The following KIRREL3 variants were observed in gnomAD, a reference collection of about 807,000 sequenced individuals.
KIRREL3 encodes kin of IRRE-like protein 3.
In KIRREL3, 36 loss-of-function variants were observed where a neutral mutation model predicts 89.7. The ratio of observed to expected loss-of-function variants is 0.40; its 90% confidence interval spans 0.31 to 0.53. KIRREL3 has a LOEUF of 0.53. Ranked by LOEUF, KIRREL3 falls within the 20% of genes least tolerant of loss-of-function variation. KIRREL3 has a pLI of 0.49. For synonymous variants in KIRREL3, 445 were observed against 441.4 expected, an observed-to-expected ratio of 1.01 and a Z score of -0.10; for missense variants, 864 against 1,056.6, an observed-to-expected ratio of 0.82 and a Z score of 2.53.
In KIRREL3 at chr11:126,870,070, C is replaced by A. The variant is rs1945057434; in HGVS notation, c.55+130385G>T. Among the ~76,000 whole-genome samples, 1 of 152,172 alleles carries A rather than the reference C, an allele frequency of 6.6e-6. No homozygotes were observed. On this transcript the variant is annotated intron_variant, in intron 1 of 16. Coordinates refer to ENST00000525144, the MANE Select transcript of KIRREL3 (RefSeq NM_032531.4). This position sits in a 1 kb window ranked among gnomAD's most constrained non-coding sequence, Gnocchi z 4.4. Reference sequence around the variant, plus strand: ...CTAATCTTGAGTAAAGTTCATTGGGCCCATGTACAGCTGGCACTTCCTTTG... The same window carrying A: ...CTAATCTTGAGTAAAGTTCATTGGGACCATGTACAGCTGGCACTTCCTTTG...
intron 7 of KIRREL3, among the ~76,000 whole-genome samples, chr11:126,450,965 GCA>G (rs1956076283): frequency 6.6e-6 from 1 of 151,710 alleles, no homozygotes; most frequent in South Asian, 2.1e-4. Context: ...GTGAGCGTGT[GCA>G]TGCATGGGTG....
intron 1 of KIRREL3, among the ~76,000 whole-genome samples, chr11:126,581,169 C>A (rs1272003862): frequency 6.6e-6 from 1 of 152,050 alleles, no homozygotes; most frequent in East Asian, 1.9e-4. Context: ...TATAATTTTG[C>A]TATAGTTAGT....
intron 1 of KIRREL3, among the ~76,000 whole-genome samples, chr11:126,675,080 C>A (rs1348952405): frequency 6.6e-6 from 1 of 152,214 alleles, no homozygotes; most frequent in Non-Finnish European, 1.5e-5. Context: ...GCCTGCCAGG[C>A]CCCACTCTTA....
At position 126,954,273 on chromosome 11, in the gene KIRREL3, A is replaced by G. The variant is rs1379818173; in HGVS notation, c.55+46182T>C. Among the ~76,000 whole-genome samples the G allele has an allele frequency of 6.6e-6, 1 of 152,054 alleles. No homozygotes were observed. The highest frequency in any genetic ancestry group is 1.5e-5 in the Non-Finnish European group (1 of 67,996). ...GCTTTCATCAGGCCTCTTAAAAAAA[A>G]AAAAGCCCTGCCTCACAGTTGACAT... On this transcript the variant is annotated intron_variant, in intron 1 of 16. Transcript: ENST00000525144. This position sits in a 1 kb window ranked among gnomAD's most constrained non-coding sequence, Gnocchi z 4.1.
intron 1 of KIRREL3, among the ~76,000 whole-genome samples, chr11:126,910,514 C>T (rs1946774591): frequency 6.6e-6 from 1 of 152,136 alleles, no homozygotes; most frequent in Non-Finnish European, 1.5e-5. Context: ...AAGAGGCTGG[C>T]TACTATTTGC....
intron 1 of KIRREL3, among the ~76,000 whole-genome samples, chr11:126,567,994 G>A (rs75614897): frequency 0.017 from 2,541 of 152,210 alleles, 75 homozygotes; most frequent in African/African-American, 0.057. Context: ...CAGTTCAGGT[G>A]TGCTTGCTGA....
chr11:126,916,676 G>A (rs1947054152), intron 1 of KIRREL3, among the ~76,000 whole-genome samples: 1 of 151,898 alleles, frequency 6.6e-6, no homozygotes, highest in South Asian at 2.1e-4. Flanking sequence ...TCACGGGACA[G>A]GAAGTTCCAA....
In KIRREL3 at chr11:126,527,332, T is replaced by C. The variant is rs1958794504; in HGVS notation, c.134-645A>G. Among the ~76,000 whole-genome samples, 1 of 151,988 alleles carries C rather than the reference T, an allele frequency of 6.6e-6. No homozygotes were observed. Among genetic ancestry groups the C allele is most frequent in the Admixed American group, 6.5e-5 (1 of 15,268 alleles). ...AGCAGACCTTACTCCAGCCTCACAA[T>C]CACTTGGGAAAAAATCATTATGGAC... is the stretch of plus-strand genomic sequence containing the variant. On this transcript the variant is annotated intron_variant, in intron 2 of 16. Transcript: ENST00000525144. The surrounding 1 kb of genome is among the most constrained non-coding windows in gnomAD (Gnocchi z 4.2).
intron 1 of KIRREL3, among the ~76,000 whole-genome samples, chr11:126,914,164 C>T (rs974896659): frequency 6.6e-6 from 1 of 152,152 alleles, no homozygotes; most frequent in Non-Finnish European, 1.5e-5. Context: ...AGGAATGTCT[C>T]GGATAGGTGC....
chr11:126,499,471 G>A (rs1417178229), intron 4 of KIRREL3, among the ~76,000 whole-genome samples: 1 of 152,128 alleles, frequency 6.6e-6, no homozygotes, highest in Non-Finnish European at 1.5e-5. Flanking sequence ...CGGATCAGGC[G>A]ATGAGCTCTC....
At position 126,823,072 on chromosome 11, in the gene KIRREL3, A is replaced by G. The variant is rs551152911; in HGVS notation, c.55+177383T>C. Among the ~76,000 whole-genome samples the G allele has an allele frequency of 6.6e-5, 10 of 152,264 alleles. No individual in the cohort carries two copies. In the East Asian group the frequency reaches 1.2e-3, roughly 18 times the overall value. On this transcript the variant is annotated intron_variant, in intron 1 of 16. Transcript: ENST00000525144. ...ATTTAATACTCACTGGAGAGAACTC[A>G]GGGAGTGAGAAACAGATGAGATGTG...
chr11:126,683,379 A>G lies in KIRREL3; in HGVS notation c.56-120467T>C, dbSNP rs1303656774. Reference sequence around the variant, plus strand: ...GGGATCGACCGTGGGGTCTCTGGACAGCTCCCCAGAGGGCCGTGGTCCACA... The same window carrying G: ...GGGATCGACCGTGGGGTCTCTGGACGGCTCCCCAGAGGGCCGTGGTCCACA... On this transcript the variant is annotated intron_variant, in intron 1 of 16. Transcript: ENST00000525144. The surrounding 1 kb of genome is among the most constrained non-coding windows in gnomAD (Gnocchi z 5.2). Among the ~76,000 whole-genome samples, 1 of 152,194 alleles carries G rather than the reference A, an allele frequency of 6.6e-6. No homozygotes were observed. Among genetic ancestry groups the G allele is most frequent in the Admixed American group, 6.5e-5 (1 of 15,278 alleles).
intron 1 of KIRREL3, among the ~76,000 whole-genome samples, chr11:126,929,204 G>T (rs1160638780): frequency 2.6e-5 from 4 of 152,158 alleles, no homozygotes; most frequent in African/African-American, 9.7e-5. Flanking sequence ...AGAATTTTAA[G>T]GAGGACAGAG....
At chr11:126,902,555 G>C (rs1946414719) in intron 1 of KIRREL3, among the ~76,000 whole-genome samples, 1 of 152,220 alleles carries the variant, frequency 6.6e-6, no homozygotes, top group South Asian at 2.1e-4. Context: ...CAGTGAATTT[G>C]TTTAACAAAC....
In KIRREL3 at chr11:126,431,660, G is replaced by T; in HGVS notation, c.1589-134C>A. 1 of 843,648 alleles carries T rather than the reference G, an allele frequency of 1.2e-6. No homozygotes were observed. Among genetic ancestry groups the T allele is most frequent in the Non-Finnish European group, 1.9e-6 (1 of 536,828 alleles). 52.3% of individuals were successfully genotyped at this position (843,648 alleles called of 1,614,324 possible). A position where few individuals can be genotyped will look rare whatever the true frequency, so the allele number is the denominator to read the frequency against. ...CTGGGAAATGCCTCAGTGGGGCCTGGGCAGGCACAGGCCGAGTCCAACTGG... is the reference window on the plus strand; with the variant it reads ...CTGGGAAATGCCTCAGTGGGGCCTGTGCAGGCACAGGCCGAGTCCAACTGG... On this transcript the variant is annotated intron_variant, in intron 13 of 16. Transcript: ENST00000525144. The surrounding 1 kb of genome is among the most constrained non-coding windows in gnomAD (Gnocchi z 7.1).
chr11:126,628,814 C>T lies in KIRREL3; in HGVS notation c.56-65902G>A, dbSNP rs536168379. Among the ~76,000 whole-genome samples, 33 of 152,302 alleles carry T rather than the reference C, an allele frequency of 2.2e-4. No individual in the cohort carries two copies. Among genetic ancestry groups the T allele is most frequent in the African/African-American group, 7.0e-4 (29 of 41,568 alleles). ...CCTCGCCTCTACTGCCCCCTCCGCT[C>T]GCTCTGCCTGTGCAGGGTCCATCCT... On this transcript the variant is annotated intron_variant, in intron 1 of 16. Coordinates refer to ENST00000525144, the MANE Select transcript of KIRREL3 (RefSeq NM_032531.4). The surrounding 1 kb of genome is among the most constrained non-coding windows in gnomAD (Gnocchi z 5.2).
intron 1 of KIRREL3, among the ~76,000 whole-genome samples, chr11:126,910,192 T>A (rs1347770943): frequency 6.6e-6 from 1 of 152,114 alleles, no homozygotes; most frequent in Non-Finnish European, 1.5e-5. Context: ...AAAAGACTAA[T>A]CTCAGGACTT....
At chr11:126,727,803 GT>G (rs1388182495) in intron 1 of KIRREL3, among the ~76,000 whole-genome samples, 2 of 152,236 alleles carry the variant, frequency 1.3e-5, no homozygotes, top group East Asian at 3.8e-4. Flanking sequence ...AGGACTTTCA[GT>G]GGGGGAATGA....
At chr11:126,660,326 G>A (rs1945338115) in intron 1 of KIRREL3, among the ~76,000 whole-genome samples, 5 of 152,174 alleles carry the variant, frequency 3.3e-5, no homozygotes, top group African/African-American at 7.2e-5. Flanking sequence ...CTCAGAGAAT[G>A]CAAACTGTAA....
Sources: allele counts gnomAD v4.1 joint callset (sites outside exome capture counted in the v4.1 genomes callset), GRCh38; gene constraint gnomAD v4.1.1; non-coding constraint Gnocchi (gnomAD v3.1); transcripts MANE v1.5; gene names NCBI Gene and HGNC (gene_info 2026-07-23, HGNC 2026-07-21).